The following RAD51B variants were observed in gnomAD, a reference collection of about 807,000 sequenced individuals.
RAD51B encodes the protein DNA repair protein RAD51 homolog 2.
A neutral mutation model predicts 42.2 loss-of-function variants in RAD51B; 38 were observed. The ratio of observed to expected loss-of-function variants is 0.90; its 90% CI spans 0.70 to 1.18. RAD51B has a LOEUF of 1.18. Ranked by LOEUF, RAD51B falls within the 50% of genes most tolerant of loss-of-function variation. The pLI is 0.00. For missense variants in RAD51B, 373 were observed against 400.7 expected (o/e 0.93, Z 0.59); for synonymous variants, 154 against 145.2 (o/e 1.06, Z -0.43).
At chr14:68,108,325 C>T (rs1595407816) in intron 7 of RAD51B, among the ~76,000 whole-genome samples, 3 of 151,886 alleles carry the variant, frequency 2.0e-5, no homozygotes, top group African/African-American at 4.8e-5. Flanking sequence ...CATAAATATC[C>T]ATAGCAGCAT....
chr14:68,078,105 A>G (rs898617422), intron 7 of RAD51B, among the ~76,000 whole-genome samples: 1 of 152,172 alleles, frequency 6.6e-6, no homozygotes, highest in East Asian at 1.9e-4. Context: ...CACTATTATA[A>G]TAATATAATC....
chr14:68,643,469 A>T (rs1412550358), intron 10 of RAD51B, among the ~76,000 whole-genome samples: 1 of 152,212 alleles, frequency 6.6e-6, no homozygotes, highest in African/African-American at 2.4e-5. Flanking sequence ...CAGTCATTTA[A>T]GGAGACCAGA....
intron 7 of RAD51B, among the ~76,000 whole-genome samples, chr14:67,946,310 A>T (rs963005934): frequency 2.0e-5 from 3 of 152,152 alleles, no homozygotes; most frequent in Non-Finnish European, 4.4e-5. Flanking sequence ...AAAGAAATTA[A>T]TTTCTAAATT....
chr14:68,120,445 T>C (rs1566660044), intron 7 of RAD51B, among the ~76,000 whole-genome samples: 1 of 152,200 alleles, frequency 6.6e-6, no homozygotes, highest in African/African-American at 2.4e-5. Context: ...AGGTTTTAGA[T>C]AGAAATTCTC....
intron 10 of RAD51B, among the ~76,000 whole-genome samples, chr14:68,534,796 T>C (rs1156448395): frequency 6.6e-6 from 1 of 152,146 alleles, no homozygotes; most frequent in East Asian, 1.9e-4. Flanking sequence ...TTTGCCTATT[T>C]TGTTCATTGA....
intron 4 of RAD51B, among the ~76,000 whole-genome samples, chr14:67,849,140 C>A (rs2139937115): frequency 6.6e-6 from 1 of 152,242 alleles, no homozygotes; most frequent in South Asian, 2.1e-4. Flanking sequence ...TTGAATTATT[C>A]CATCAAGTAT....
intron 7 of RAD51B, among the ~76,000 whole-genome samples, chr14:68,097,995 AC>A (rs1166528730): frequency 1.3e-5 from 2 of 152,128 alleles, no homozygotes; most frequent in Non-Finnish European, 2.9e-5. Flanking sequence ...CTGAAGCTTT[AC>A]CTGGAGAACT....
chr14:68,309,450 T>A (rs970153307), intron 8 of RAD51B, among the ~76,000 whole-genome samples: 2 of 152,152 alleles, frequency 1.3e-5, no homozygotes, highest in African/African-American at 4.8e-5. Context: ...ATGTTTATTT[T>A]CAGGTAGAGA....
intron 3 of RAD51B, among the ~76,000 whole-genome samples, chr14:67,831,615 C>T (rs1194348554): frequency 6.6e-6 from 1 of 152,156 alleles, no homozygotes; most frequent in East Asian, 1.9e-4. Context: ...TGGCTCACCG[C>T]AACCTCCGCC....
At chr14:68,204,207 ATTCT>A (rs1421345656) in intron 7 of RAD51B, among the ~76,000 whole-genome samples, 1 of 152,184 alleles carries the variant, frequency 6.6e-6, no homozygotes, top group African/African-American at 2.4e-5. Flanking sequence ...GAGAAGTGTG[ATTCT>A]TTCTTTCACT....
At chr14:68,427,137 A>G (rs944416540) in intron 9 of RAD51B, among the ~76,000 whole-genome samples, 2 of 152,234 alleles carry the variant, frequency 1.3e-5, no homozygotes, top group East Asian at 1.9e-4. Flanking sequence ...GAAAGGATAT[A>G]TTGGATAGCC....
At chr14:68,068,067 G>A (rs1188683487) in intron 7 of RAD51B, among the ~76,000 whole-genome samples, 2 of 151,510 alleles carry the variant, frequency 1.3e-5, no homozygotes, top group Non-Finnish European at 2.9e-5. Flanking sequence ...GGAAAGATAT[G>A]AGCAGAGAAA....
At position 67,996,566 on chromosome 14, in the gene RAD51B, A is replaced by T. The variant is rs559947988; in HGVS notation, c.756+109362A>T. 3.3e-5 allele frequency among the ~76,000 whole-genome samples: 5 copies of T among 152,336 alleles called. No individual in the cohort carries two copies. In the East Asian group the frequency reaches 9.6e-4, roughly 29 times the overall value. On this transcript the variant is annotated intron_variant, in intron 7 of 10. Coordinates refer to ENST00000471583, the MANE Select transcript of RAD51B (RefSeq NM_133510.4). The stretch of plus-strand genomic sequence containing the variant: ...GAACAGTCAGTGCAAAGGCTGCAAG[A>T]TGAGAGCATGCTTGGTGAGTTCAAG...
At chr14:68,515,440 CTTCTTTTTTTTTT>C (rs1886070392) in intron 10 of RAD51B, among the ~76,000 whole-genome samples, 2 of 124,736 alleles carry the variant, frequency 1.6e-5, no homozygotes, top group Non-Finnish European at 1.7e-5. Context: ...TCTTCTTCTT[CTTCTTTTTTTTTT>C]TTTTTTTTTT....
Position 67,846,909 on chromosome 14 carries a change from A to G in RAD51B, c.315+11713A>G, listed in dbSNP as rs183006582. ...CCTCTGGGTTCCACACTGCATTCCT[A>G]CCCCTACCACCTCTCTAAGCACCTC... On this transcript the variant is annotated intron_variant, in intron 4 of 10. Coordinates refer to ENST00000471583, the MANE Select transcript of RAD51B (RefSeq NM_133510.4). Among the ~76,000 whole-genome samples, 994 of 151,580 alleles carry G rather than the reference A, an allele frequency of 6.6e-3. 6 individuals are homozygous for G. Among genetic ancestry groups the G allele is most frequent in the Middle Eastern group, 0.024 (7 of 294 alleles).
intron 7 of RAD51B, among the ~76,000 whole-genome samples, chr14:68,117,085 A>C (rs2077561808): frequency 6.6e-6 from 1 of 152,210 alleles, no homozygotes; most frequent in Non-Finnish European, 1.5e-5. Context: ...ACATTAAAAC[A>C]TTTATTCTGT....
chr14:68,461,660 A>G (rs1257602339), intron 9 of RAD51B, among the ~76,000 whole-genome samples: 1 of 152,132 alleles, frequency 6.6e-6, no homozygotes, highest in Non-Finnish European at 1.5e-5. Flanking sequence ...ATGACAGACC[A>G]TTTCTCTTTT....
At chr14:68,406,041 G>A (rs1022669893) in intron 8 of RAD51B, among the ~76,000 whole-genome samples, 2 of 152,122 alleles carry the variant, frequency 1.3e-5, no homozygotes, top group Non-Finnish European at 2.9e-5. Flanking sequence ...TAAATCTGCT[G>A]CCAAAACAAG....
At chr14:68,240,283 A>G (rs2080355035) in intron 7 of RAD51B, among the ~76,000 whole-genome samples, 1 of 152,230 alleles carries the variant, frequency 6.6e-6, no homozygotes, top group Non-Finnish European at 1.5e-5. Context: ...CAGGAGCTGG[A>G]AACCTTTAAC....
Sources: gnomAD v4.1 joint callset for allele counts (sites outside exome capture counted in the v4.1 genomes callset) on GRCh38, gnomAD v4.1.1 for gene constraint, MANE v1.5 for transcripts, NCBI Gene and HGNC (gene_info 2026-07-23, HGNC 2026-07-21) for gene names.